Variants in STARD4 observed in about 807,000 individuals in gnomAD.
STARD4 encodes stAR-related lipid transfer protein 4.
Under a neutral mutation model 24.9 loss-of-function variants are expected in STARD4, and 33 were observed. That is an observed-to-expected ratio of 1.32 (90% CI 1.00 to 1.77). The LOEUF (loss-of-function observed/expected upper bound fraction) is 1.77, where lower values mean the gene tolerates loss of function less well. STARD4 is among the 40% of genes most tolerant of loss of function. The probability of loss-of-function intolerance (pLI) is 0.00; values close to 1 mark genes in which losing one functional copy is unlikely to be tolerated. For missense variants in STARD4, 238 were observed against 249.3 expected, an observed-to-expected ratio of 0.95 and a Z score of 0.31; for synonymous variants, 88 against 77.4, an observed-to-expected ratio of 1.14 and a Z score of -0.72.
intron 2 of STARD4, 88 bp from the exon 3 acceptor site, chr5:111,506,467 G>T: frequency 1.9e-6 from 1 of 528,502 alleles, no homozygotes. Flanking sequence ...TATAGAATTT[G>T]TCTTTGCATT....
chr5:111,503,356 C>T (rs1354598464), intron 3 of STARD4, among the ~76,000 whole-genome samples: 4 of 152,120 alleles, frequency 2.6e-5, no homozygotes, highest in East Asian at 3.9e-4. Context: ...ATGGGCCAGG[C>T]GCGGTGGCTC....
At position 111,499,624 on chromosome 5, in the gene STARD4, AGTGAGCT is replaced by A. The variant is rs1462934290; in HGVS notation, c.*255_*261del. ...CCTTGAGCGGTCAGATCAAAGCTGC[AGTGAGCT>A]GTGATCATACCACTGCCCTCCAGCA... On this transcript the variant is annotated 3_prime_UTR_variant, in exon 6 of 6. Transcript: ENST00000296632. 2.2e-6 allele frequency: 1 copy of A among 445,798 alleles called. No individual in the cohort carries two copies. Among genetic ancestry groups the A allele is most frequent in the African/African-American group, 2.0e-5 (1 of 50,048 alleles). The allele number at this position is 445,798 out of a possible 1,614,324, so 27.6% of individuals were successfully genotyped here.
In STARD4 at chr5:111,501,004, C is replaced by T; in HGVS notation, c.395G>A (p.Cys132Tyr). ...GCATAACATGTTGAGATTATTACCACAAGATAAAAGCCCTTCTTTATAGCC... is the reference window on the plus strand; with the variant it reads ...GCATAACATGTTGAGATTATTACCATAAGATAAAAGCCCTTCTTTATAGCC... Reference protein sequence around the residue: ...TVGYKEGLLSCGISLDWDEKR... With the variant: ...TVGYKEGLLSYGISLDWDEKR... Residue 132 changes from cysteine (C) to tyrosine (Y), a missense_variant and splice_region_variant, in exon 5 of 6, where the codon TGT becomes TAT. Cys to Tyr is a radical substitution (Grantham distance 194). Coordinates refer to ENST00000296632, the MANE Select transcript of STARD4 (RefSeq NM_139164.3). 5.0e-6 allele frequency: 8 copies of T among 1,613,716 alleles called. No homozygotes were observed. Among genetic ancestry groups the T allele is most frequent in the Non-Finnish European group, 6.8e-6 (8 of 1,179,856 alleles).
Position 111,498,277 on chromosome 5 carries a change from T to C in STARD4, c.*1609A>G, listed in dbSNP as rs1756204891. 1 of 151,928 alleles carries C rather than the reference T, an allele frequency of 6.6e-6. No homozygotes were observed. The highest frequency in any genetic ancestry group is 1.5e-5 in the Non-Finnish European group (1 of 67,920). The allele number at this position is 151,928 out of a possible 1,614,324, so 9.4% of individuals were successfully genotyped here. On this transcript the variant is annotated 3_prime_UTR_variant, in exon 6 of 6. Transcript: ENST00000296632. ...CATGTTTAACGGTGAATTATGTAAT[T>C]ACTTATTGGAGGTATATGTTGATAA...
In STARD4 at chr5:111,500,057, A is replaced by G. The variant is rs761266613; in HGVS notation, c.447T>C (p.Tyr149=). 9 of 1,613,910 alleles carry G rather than the reference A, an allele frequency of 5.6e-6. No homozygotes were observed. The highest frequency in any genetic ancestry group is 1.7e-5 in the Admixed American group (1 of 59,996). Residue 149 remains tyrosine, a synonymous_variant, in exon 6 of 6, where the codon TAT becomes TAC. Transcript: ENST00000296632. ...CACAAAACCAACCACAGGGATGGTT[A>G]TATCCTCGAACAAATTCTGGTCTCT... ...DEKRPEFVRG[Y]NHPCGWFCVP...
chr5:111,503,526 G>C (rs192170240), intron 3 of STARD4, among the ~76,000 whole-genome samples: 1 of 152,254 alleles, frequency 6.6e-6, no homozygotes, highest in Non-Finnish European at 1.5e-5. Context: ...CTGCTTCGGA[G>C]GCTGAGGCAG....
chr5:111,506,497 T>C (rs995968835), intron 2 of STARD4, 118 bp from the exon 3 acceptor site: 1 of 438,066 alleles, frequency 2.3e-6, no homozygotes, highest in Non-Finnish European at 4.1e-6. Flanking sequence ...CCAGTACATT[T>C]TCAGAATACA....
rs376106105 is a variant in STARD4 at position 111,505,545 on chromosome 5, T to C, written c.155+785A>G. On this transcript the variant is annotated intron_variant, in intron 3 of 5. Transcript: ENST00000296632. ...TGTTATTAAATAATCTTCAAAAATGTGGTTTTTAAAGGCTATAGCATATTC... is the reference window on the plus strand; with the variant it reads ...TGTTATTAAATAATCTTCAAAAATGCGGTTTTTAAAGGCTATAGCATATTC... Among the ~76,000 whole-genome samples, 3 of 152,294 alleles carry C rather than the reference T, an allele frequency of 2.0e-5. No individual in the cohort carries two copies. The South Asian group carries it at 6.2e-4, about 32-fold the overall frequency.
rs1015266632 is a variant in STARD4 at position 111,501,987 on chromosome 5, A to G, written c.257T>C (p.Leu86Ser). The change falls in exon 4 of 6, where the codon TTG (leucine) becomes TCG (serine). Residue 86 changes from leucine (L) to serine (S), a missense_variant. Coordinates refer to ENST00000296632, the MANE Select transcript of STARD4 (RefSeq NM_139164.3). ...RLDWDSLMTS[L>S]DILENFEENC... ...CTCTTCAAAGTTCTCCAGAATATCC[A>G]AAGAAGTCATCAAGCTGTCCCAATC... 1.9e-6 allele frequency: 3 copies of G among 1,614,048 alleles called. No individual in the cohort carries two copies. Among genetic ancestry groups the G allele is most frequent in the South Asian group, 2.2e-5 (2 of 91,090 alleles).
At chr5:111,511,811 C>A (rs2112584166) in intron 1 of STARD4, among the ~76,000 whole-genome samples, 1 of 152,342 alleles carries the variant, frequency 6.6e-6, no homozygotes, top group South Asian at 2.1e-4. Flanking sequence ...GGTAATCTTT[C>A]TCAAGTGTAA....
rs1756270258 is a variant in STARD4 at position 111,499,436 on chromosome 5, C to T, written c.*450G>A. The T allele has an allele frequency of 6.5e-6, 1 of 154,478 alleles. No individual in the cohort carries two copies. The highest frequency in any genetic ancestry group is 2.0e-4 in the South Asian group (1 of 4,996). The allele number at this position is 154,478 out of a possible 1,614,324, so 9.6% of individuals were successfully genotyped here. On this transcript the variant is annotated 3_prime_UTR_variant, in exon 6 of 6. Coordinates refer to ENST00000296632, the MANE Select transcript of STARD4 (RefSeq NM_139164.3). The stretch of plus-strand genomic sequence containing the variant: ...GTGGCTCACGCTTATAATCCCAACA[C>T]TTTGGGAGGCTAAGGTGGGGAATGA...
At chr5:111,500,771 T>C in intron 5 of STARD4, 1 of 1,434,230 alleles carries the variant, frequency 7.0e-7, no homozygotes, top group South Asian at 1.6e-5. Flanking sequence ...CCACATTTGC[T>C]ACCTCTGACC....
Position 111,499,976 on chromosome 5 carries a change from A to T in STARD4, c.528T>A (p.Asp176Glu), listed in dbSNP as rs1445085810. 7.4e-6 allele frequency: 12 copies of T among 1,614,164 alleles called. No individual in the cohort carries two copies. The highest frequency in any genetic ancestry group is 9.3e-6 in the Non-Finnish European group (11 of 1,180,024). Residue 176 changes from aspartate (D) to glutamate (E), a missense_variant, in exon 6 of 6, where the codon GAT (aspartate) becomes GAA (glutamate). By Grantham distance (45) the Asp-to-Glu change is conservative. Transcript: ENST00000296632. ...QSLLTGYIQTDLRGMIPQSAV... is the reference protein window; with the variant it reads ...QSLLTGYIQTELRGMIPQSAV... ...CAGACTGAGGAATCATCCCACGCAG[A>T]TCTGTCTGAATATATCCTGTCAAAA...
chr5:111,505,766 T>G (rs1355181461), intron 3 of STARD4, among the ~76,000 whole-genome samples: 2 of 152,204 alleles, frequency 1.3e-5, no homozygotes, highest in Non-Finnish European at 2.9e-5. Context: ...AGAAGGGTCA[T>G]GTATACAATG....
At chr5:111,506,983 G>T (rs1756908187) in intron 2 of STARD4, among the ~76,000 whole-genome samples, 1 of 152,104 alleles carries the variant, frequency 6.6e-6, no homozygotes, top group African/African-American at 2.4e-5. Context: ...TAGGCTTTTT[G>T]ATATACCTGA....
At chr5:111,508,336 C>G (rs1448819913) in intron 1 of STARD4, among the ~76,000 whole-genome samples, 2 of 152,068 alleles carry the variant, frequency 1.3e-5, no homozygotes, top group Non-Finnish European at 2.9e-5. Flanking sequence ...AGAACACTGC[C>G]TGGCACATAG....
At chr5:111,506,835 T>C (rs1041693111) in intron 2 of STARD4, among the ~76,000 whole-genome samples, 1 of 152,202 alleles carries the variant, frequency 6.6e-6, no homozygotes, top group Non-Finnish European at 1.5e-5. Context: ...CCCAAGTAAT[T>C]CTGAATATCA....
chr5:111,499,999 A>G lies in STARD4; in HGVS notation c.505T>C (p.Leu169=). The G allele has an allele frequency of 6.2e-7, 1 of 1,614,178 alleles. No homozygotes were observed. The highest frequency in any genetic ancestry group is 8.5e-7 in the Non-Finnish European group (1 of 1,180,018). ...PLKDNPNQSL[L]TGYIQTDLRG... ...AGATCTGTCTGAATATATCCTGTCA[A>G]AAGACTCTGGTTTGGGTTGTCTTTA... Residue 169 remains leucine, a synonymous_variant, in exon 6 of 6, where the codon TTG becomes CTG. Coordinates refer to ENST00000296632, the MANE Select transcript of STARD4 (RefSeq NM_139164.3).
At chr5:111,506,054 C>T (rs1276059439) in intron 3 of STARD4, among the ~76,000 whole-genome samples, 1 of 151,884 alleles carries the variant, frequency 6.6e-6, no homozygotes, top group Non-Finnish European at 1.5e-5. Context: ...GTTAGCCAGG[C>T]ACAGTGGCAG....
Sources: allele counts gnomAD v4.1 joint callset (sites outside exome capture counted in the v4.1 genomes callset), GRCh38; gene constraint gnomAD v4.1.1; transcripts MANE v1.5; gene names NCBI Gene and HGNC (gene_info 2026-07-23, HGNC 2026-07-21).